The following ZNF718 variants were observed in gnomAD, a reference collection of about 807,000 sequenced individuals.
ZNF718 encodes zinc finger protein 718.
ZNF718 carries 3 observed loss-of-function variants against 2.6 expected under a neutral mutation model. The ratio of observed to expected loss-of-function variants is 1.16; its 90% CI spans 0.53 to 3.01. The LOEUF is 3.01. Ranked by LOEUF, ZNF718 falls within the 30% of genes most tolerant of loss-of-function variation. The pLI is 0.03. For missense variants in ZNF718, 468 were observed against 230.0 expected (o/e 2.03, Z -6.69); for synonymous variants, 135 against 77.9 (o/e 1.73, Z -3.86).
chr4:177,537 TC>T (rs1717373208), intron 3 of ZNF718, among the ~76,000 whole-genome samples: 1 of 152,138 alleles, frequency 6.6e-6, no homozygotes, highest in Admixed American at 6.6e-5. Context: ...GCCTTTGTCT[TC>T]CTTTTTCTCC....
chr4:124,683 C>CA lies in ZNF718; in HGVS notation c.3+11dup. The CA allele has an allele frequency of 6.2e-7, 1 of 1,609,032 alleles. No individual in the cohort carries two copies. Among genetic ancestry groups the CA allele is most frequent in the East Asian group, 2.2e-5 (1 of 44,822 alleles). On this transcript the variant is annotated intron_variant, in intron 1 of 3. Transcript: ENST00000510175. ...CTGAAGTCGGGAAATGGTGAGTGTG[C>CA]AGGGCAGGGCGTCCCAAGGCTGTGG...
chr4:177,903 C>T (rs879978815), intron 3 of ZNF718, among the ~76,000 whole-genome samples: 1 of 151,898 alleles, frequency 6.6e-6, no homozygotes, highest in East Asian at 1.9e-4. Flanking sequence ...AAAAAAAAAG[C>T]CCCTGAGGGA....
chr4:160,527 T>G (rs1553814673), intron 3 of ZNF718, among the ~76,000 whole-genome samples: 1 of 152,176 alleles, frequency 6.6e-6, no homozygotes, highest in African/African-American at 2.4e-5. Flanking sequence ...GTATTAGATT[T>G]GTAAAGTATA....
intron 1 of ZNF718, among the ~76,000 whole-genome samples, chr4:128,167 G>T (rs1715278396): frequency 9.6e-6 from 1 of 103,846 alleles, no homozygotes; most frequent in Non-Finnish European, 2.1e-5. Flanking sequence ...CTCTGCCTGG[G>T]ATTCCCAACA....
intron 3 of ZNF718, among the ~76,000 whole-genome samples, chr4:148,576 T>G (rs1716174182): frequency 7.1e-6 from 1 of 141,570 alleles, no homozygotes; most frequent in Non-Finnish European, 1.5e-5. Context: ...GCCATTGCAC[T>G]CTGCAGCCAA....
chr4:183,873 T>C (rs2108814104), intron 3 of ZNF718, among the ~76,000 whole-genome samples: 1 of 152,306 alleles, frequency 6.6e-6, no homozygotes, highest in Admixed American at 6.5e-5. Flanking sequence ...CCTGAGACAC[T>C]GCTGAAGTTG....
At chr4:131,601 C>T (rs1481925409) in intron 3 of ZNF718, 96 bp downstream of exon 3, 5 of 241,006 alleles carry the variant, frequency 2.1e-5, no homozygotes, top group Middle Eastern at 5.8e-4. Flanking sequence ...GGCTGAGCAC[C>T]GTGGCTCACG....
At chr4:170,128 A>G (rs1487385352) in intron 3 of ZNF718, among the ~76,000 whole-genome samples, 1 of 152,194 alleles carries the variant, frequency 6.6e-6, no homozygotes. Context: ...GCTGGATATG[A>G]AATTCTAAAT....
intron 3 of ZNF718, among the ~76,000 whole-genome samples, chr4:176,168 T>C (rs1317750073): frequency 6.6e-6 from 1 of 152,168 alleles, no homozygotes; most frequent in East Asian, 1.9e-4. Flanking sequence ...AGCACTAATG[T>C]CTGCCAATTC....
intron 3 of ZNF718, among the ~76,000 whole-genome samples, chr4:140,364 C>T (rs1341814736): frequency 6.6e-6 from 1 of 152,130 alleles, no homozygotes; most frequent in Non-Finnish European, 1.5e-5. Context: ...ACTAAACCCT[C>T]CTTGGAATTT....
chr4:193,034 A>C (rs985545845), intron 3 of ZNF718, among the ~76,000 whole-genome samples: 5 of 152,052 alleles, frequency 3.3e-5, no homozygotes, highest in African/African-American at 1.2e-4. Flanking sequence ...AGGCAAAAGT[A>C]TTTTCCTTCT....
chr4:167,836 C>A (rs1486587622), downstream of ZNF718, among the ~76,000 whole-genome samples: 1 of 152,078 alleles, frequency 6.6e-6, no homozygotes, highest in Admixed American at 6.6e-5. Context: ...ATTGAATATG[C>A]TTTATTTCTT....
chr4:164,567 TTAAG>T (rs1345060539), downstream of ZNF718, among the ~76,000 whole-genome samples: 1 of 152,134 alleles, frequency 6.6e-6, no homozygotes, highest in African/African-American at 2.4e-5. Flanking sequence ...TTTAACTTCA[TTAAG>T]TATTTATTGT....
chr4:187,874 A>C (rs1391922803), intron 3 of ZNF718, among the ~76,000 whole-genome samples: 3 of 151,944 alleles, frequency 2.0e-5, no homozygotes, highest in African/African-American at 7.3e-5. Flanking sequence ...ATGGTGACCC[A>C]CTCTGCCTCC....
chr4:140,194 A>G (rs781977089), intron 3 of ZNF718, among the ~76,000 whole-genome samples: 8 of 152,098 alleles, frequency 5.3e-5, no homozygotes, highest in Admixed American at 1.3e-4. Flanking sequence ...ATTGCAGTTC[A>G]TGGCTATTTT....
Position 153,457 on chromosome 4 carries a change from A to G in ZNF718, c.227-7455A>G, listed in dbSNP as rs138938910. 6.0e-3 allele frequency among the ~76,000 whole-genome samples: 911 copies of G among 152,288 alleles called. 5 individuals carry two copies. Among genetic ancestry groups the G allele is most frequent in the Middle Eastern group, 0.02 (6 of 294 alleles). ...TTTTTCCATTTCTGTGAAAAAAGTC[A>G]TTGATATTATGATAGAGATTGCATT... On this transcript the variant is annotated intron_variant, in intron 3 of 3. Coordinates refer to ENST00000510175, the MANE Select transcript of ZNF718 (RefSeq NM_001039127.6).
chr4:160,893 T>G lies in ZNF718; in HGVS notation c.227-19T>G. 1 of 738,898 alleles carries G rather than the reference T, an allele frequency of 1.4e-6. No individual in the cohort carries two copies. Among genetic ancestry groups the G allele is most frequent in the Non-Finnish European group, 2.5e-6 (1 of 401,556 alleles). 45.8% of individuals were successfully genotyped at this position (738,898 alleles called of 1,614,324 possible). On this transcript the variant is annotated intron_variant, in intron 3 of 3. Coordinates refer to ENST00000510175, the MANE Select transcript of ZNF718 (RefSeq NM_001039127.6). ...TGAATCTAGTAAGTGGGATAATTTG[T>G]TATTTTTATTTCTTTCAGCTGTGTG...
chr4:172,294 A>AT (rs1717255054), intron 3 of ZNF718, among the ~76,000 whole-genome samples: 1 of 152,166 alleles, frequency 6.6e-6, no homozygotes, highest in African/African-American at 2.4e-5. Context: ...AAATGACAAG[A>AT]TTTTTTCTCT....
intron 1 of ZNF718, 141 bp downstream of exon 1, chr4:124,814 T>A (rs1277858543): frequency 9.7e-6 from 11 of 1,133,482 alleles, no homozygotes; most frequent in Non-Finnish European, 1.3e-5. Flanking sequence ...GGACCCGCGC[T>A]CTTGTCAGTC....
Sources: allele counts gnomAD v4.1 joint callset (sites outside exome capture counted in the v4.1 genomes callset), GRCh38; gene constraint gnomAD v4.1.1; transcripts MANE v1.5; gene names NCBI Gene and HGNC (gene_info 2026-07-23, HGNC 2026-07-21).